Variants in LHFPL3 observed in about 807,000 individuals in gnomAD.
LHFPL3 encodes the protein LHFPL tetraspan subfamily member 3 protein.
In LHFPL3, 5 loss-of-function variants were observed where a neutral mutation model predicts 19.3. That is an observed-to-expected ratio of 0.26 (90% confidence interval 0.14 to 0.54). The LOEUF is 0.54. LHFPL3 is among the 20% of genes least tolerant of loss of function. The pLI, the probability that LHFPL3 is intolerant of heterozygous loss-of-function variation, is 0.94. For missense variants in LHFPL3, 249 were observed against 307.4 expected (o/e 0.81, Z 1.42); for synonymous variants, 133 against 126.2 (o/e 1.05, Z -0.36).
chr7:104,365,341 C>T (rs1301786762), intron 1 of LHFPL3, among the ~76,000 whole-genome samples: 1 of 151,610 alleles, frequency 6.6e-6, no homozygotes, highest in Non-Finnish European at 1.5e-5. Flanking sequence ...GAGGTGGGAG[C>T]GAGTGGTAAA....
chr7:104,653,865 C>T (rs1792077159), intron 1 of LHFPL3, among the ~76,000 whole-genome samples: 1 of 152,198 alleles, frequency 6.6e-6, no homozygotes, highest in Non-Finnish European at 1.5e-5. Context: ...CCCCCCAAAT[C>T]CACAGGCCCA....
At chr7:104,500,531 C>G (rs755381773) in intron 1 of LHFPL3, among the ~76,000 whole-genome samples, 17 of 152,118 alleles carry the variant, frequency 1.1e-4, no homozygotes, top group Non-Finnish European at 1.5e-4. Flanking sequence ...GCTGAGGTCC[C>G]TGTGGTTTTT....
chr7:104,584,729 G>T (rs1790532220), intron 1 of LHFPL3, among the ~76,000 whole-genome samples: 1 of 152,066 alleles, frequency 6.6e-6, no homozygotes, highest in African/African-American at 2.4e-5. Context: ...TGCTCATAGT[G>T]CCACTTCAAG....
At chr7:104,614,676 C>CTTTT (rs1791290294) in intron 1 of LHFPL3, among the ~76,000 whole-genome samples, 3 of 97,564 alleles carry the variant, frequency 3.1e-5, no homozygotes, top group African/African-American at 1.1e-4. Flanking sequence ...TCCTTCCTTC[C>CTTTT]TTCCTTCTTT....
chr7:104,755,491 A>G (rs965400833), intron 2 of LHFPL3, among the ~76,000 whole-genome samples: 2 of 152,050 alleles, frequency 1.3e-5, no homozygotes, highest in African/African-American at 2.4e-5. Context: ...GATGATGCAA[A>G]AAGCAGGTCT....
intron 1 of LHFPL3, among the ~76,000 whole-genome samples, chr7:104,622,079 G>A (rs1305941943): frequency 6.6e-6 from 1 of 152,112 alleles, no homozygotes; most frequent in East Asian, 1.9e-4. Context: ...AAAGTTGGCT[G>A]CAACAATATC....
chr7:104,868,848 A>G (rs1416540709), intron 2 of LHFPL3, among the ~76,000 whole-genome samples: 1 of 152,178 alleles, frequency 6.6e-6, no homozygotes, highest in Non-Finnish European at 1.5e-5. Flanking sequence ...ACAGTAACCA[A>G]AACAGCATGG....
At chr7:104,708,544 T>C (rs1038335936) in intron 1 of LHFPL3, among the ~76,000 whole-genome samples, 4 of 152,194 alleles carry the variant, frequency 2.6e-5, no homozygotes, top group African/African-American at 4.8e-5. Context: ...GTAAGTTCTA[T>C]TGCATATTTC....
At position 104,907,477 on chromosome 7, in the gene LHFPL3, T is replaced by C. The variant is rs1267859749; in HGVS notation, c.*1262T>C. Among the ~76,000 whole-genome samples the C allele has an allele frequency of 6.6e-6, 1 of 152,136 alleles. No homozygotes were observed. The highest frequency in any genetic ancestry group is 1.5e-5 in the Non-Finnish European group (1 of 68,010). ...ACAACTAACCAGTGGACTTCAACAA[T>C]CATTTGCTCCCAGGCTTCCCCCATC... On this transcript the variant is annotated 3_prime_UTR_variant, in exon 3 of 3. Coordinates refer to ENST00000424859, the MANE Select transcript of LHFPL3 (RefSeq NM_199000.3).
intron 2 of LHFPL3, among the ~76,000 whole-genome samples, chr7:104,774,700 G>A (rs570595394): frequency 1.3e-5 from 2 of 152,236 alleles, no homozygotes; most frequent in South Asian, 4.1e-4. Flanking sequence ...TTATATGCTG[G>A]GCATCAAGAT....
intron 1 of LHFPL3, among the ~76,000 whole-genome samples, chr7:104,575,494 G>A (rs558540813): frequency 7.0e-5 from 10 of 142,784 alleles, no homozygotes; most frequent in Non-Finnish European, 1.2e-4. Context: ...TATATTATTG[G>A]CAAATAGGCC....
intron 1 of LHFPL3, among the ~76,000 whole-genome samples, chr7:104,713,761 C>T (rs1332810769): frequency 1.3e-5 from 2 of 152,114 alleles, no homozygotes; most frequent in Non-Finnish European, 2.9e-5. Flanking sequence ...GCATTCCCAG[C>T]CTCGATTATA....
chr7:104,533,564 C>T (rs548149761), intron 1 of LHFPL3, among the ~76,000 whole-genome samples: 34 of 152,324 alleles, frequency 2.2e-4, no homozygotes, highest in African/African-American at 8.2e-4. Flanking sequence ...CTAACCTGTA[C>T]CCCTCTTTCT....
chr7:104,824,908 T>C (rs1400848675), intron 2 of LHFPL3, among the ~76,000 whole-genome samples: 2 of 138,736 alleles, frequency 1.4e-5, no homozygotes, highest in Non-Finnish European at 3.0e-5. Flanking sequence ...GTATATAATA[T>C]AATAATTTTA....
At chr7:104,474,383 G>A (rs1035852601) in intron 1 of LHFPL3, among the ~76,000 whole-genome samples, 13 of 152,158 alleles carry the variant, frequency 8.5e-5, no homozygotes, top group Non-Finnish European at 1.9e-4. Context: ...AAAGGGTCTT[G>A]GCCGGGTGCG....
chr7:104,790,432 C>T (rs1158458324), intron 2 of LHFPL3, among the ~76,000 whole-genome samples: 1 of 152,090 alleles, frequency 6.6e-6, no homozygotes, highest in Non-Finnish European at 1.5e-5. Flanking sequence ...CTTTGCCTGG[C>T]CATACGTATG....
intron 1 of LHFPL3, among the ~76,000 whole-genome samples, chr7:104,734,976 A>T (rs1226092434): frequency 6.6e-6 from 1 of 152,186 alleles, no homozygotes; most frequent in African/African-American, 2.4e-5. Flanking sequence ...AGTTTGCTGG[A>T]AGTCCACTCC....
intron 1 of LHFPL3, among the ~76,000 whole-genome samples, chr7:104,693,794 G>GTTTTT (rs71155519): frequency 3.4e-5 from 5 of 146,644 alleles, no homozygotes; most frequent in East Asian, 2.0e-4. Context: ...TAATTGTGGG[G>GTTTTT]TTTTTTTTTT....
chr7:104,427,106 A>G (rs950524679), intron 1 of LHFPL3, among the ~76,000 whole-genome samples: 1 of 152,192 alleles, frequency 6.6e-6, no homozygotes. Flanking sequence ...TTCACAGTGT[A>G]TTTAGTACAG....
Sources: gnomAD v4.1 joint callset for allele counts (sites outside exome capture counted in the v4.1 genomes callset) on GRCh38, gnomAD v4.1.1 for gene constraint, MANE v1.5 for transcripts, NCBI Gene and HGNC (gene_info 2026-07-23, HGNC 2026-07-21) for gene names.